The following PMVK variants were observed in gnomAD, a reference collection of about 807,000 sequenced individuals.
The protein encoded by PMVK is testis tissue sperm-binding protein Li 95mP.
A neutral mutation model predicts 19.0 loss-of-function variants in PMVK; 10 were observed. The ratio of observed to expected loss-of-function variants is 0.53; its 90% CI spans 0.32 to 0.89. The LOEUF (loss-of-function observed/expected upper bound fraction) is 0.89, where lower values mean the gene tolerates loss of function less well. PMVK is among the 40% of genes least tolerant of loss of function. The pLI, the probability that PMVK is intolerant of heterozygous loss-of-function variation, is 0.03. For synonymous variants in PMVK, 108 were observed against 101.6 expected (o/e 1.06, Z -0.38); for missense variants, 222 against 251.1 (o/e 0.88, Z 0.78).
chr1:154,936,925 A>G (rs1022418566), upstream of PMVK: 2 of 523,358 alleles, frequency 3.8e-6, no homozygotes, highest in African/African-American at 3.8e-5. Flanking sequence ...TTCACAGAGC[A>G]GCCTCCCCTC....
rs1654366021 is a variant in PMVK at position 154,932,403 on chromosome 1, A to G, written c.108T>C (p.Asp36=). 4 of 1,611,688 alleles carry G rather than the reference A, an allele frequency of 2.5e-6. No individual in the cohort carries two copies. The highest frequency in any genetic ancestry group is 1.7e-4 in the Middle Eastern group (1 of 6,060). Residue 36 remains aspartate, a synonymous_variant, in exon 2 of 5, where the codon GAT becomes GAC. Coordinates refer to ENST00000368467, the MANE Select transcript of PMVK (RefSeq NM_006556.4). The part of the protein sequence containing the change: ...TEALQSRLGA[D]VCAVLRLSGP... ...CAGAGAGCCGGAGGACAGCACAGAC[A>G]TCAGCTCCAAGTCTGCAGGACAGGG...
chr1:154,926,745 G>A lies in PMVK; in HGVS notation c.313-262C>T, dbSNP rs528517317. ...GTATTATAGTAAGTACCTACTGTAC[G>A]CTGGTCACTGTGCTAGGTGCTAAGG... On this transcript the variant is annotated intron_variant, in intron 3 of 4. Transcript: ENST00000368467. 1.1e-4 allele frequency among the ~76,000 whole-genome samples: 16 copies of A among 152,278 alleles called. No individual in the cohort carries two copies. In the South Asian group the frequency reaches 2.5e-3, roughly 24 times the overall value.
At chr1:154,942,094 C>T in the PMVK span, among the ~76,000 whole-genome samples, 1 of 152,230 alleles carries the variant, frequency 6.6e-6, no homozygotes, top group South Asian at 2.1e-4. Flanking sequence ...TCTAGTGATT[C>T]TTCCCAAGGA....
intron 1 of PMVK, among the ~76,000 whole-genome samples, chr1:154,932,796 C>T (rs1654377457): frequency 6.6e-6 from 1 of 152,218 alleles, no homozygotes; most frequent in African/African-American, 2.4e-5. Context: ...GTCACCATAA[C>T]ATATATCATT....
rs745596114 is a variant in PMVK, at chr1:154,929,037, G to T, written c.299C>A (p.Ser100Tyr). Residue 100 changes from serine (S) to tyrosine (Y), a missense_variant, in exon 3 of 5, where the codon TCC (serine) becomes TAC (tyrosine). Transcript: ENST00000368467. ...GAGCCCTCTTACCCAGATGGGCTGG[G>T]AGATGCCCTCCACAATCTTCCTGCA... ...FFCRKIVEGI[S>Y]QPIWLVSDTR... 1.2e-6 allele frequency: 2 copies of T among 1,614,098 alleles called. No individual in the cohort carries two copies. The highest frequency in any genetic ancestry group is 1.7e-6 in the Non-Finnish European group (2 of 1,179,974).
chr1:154,933,151 A>G (rs916588965), intron 1 of PMVK, among the ~76,000 whole-genome samples: 2 of 151,906 alleles, frequency 1.3e-5, no homozygotes, highest in Non-Finnish European at 2.9e-5. Flanking sequence ...AACTGAAACA[A>G]AAGCCAGGTG....
chr1:154,939,093 G>A (rs1003881154), upstream of PMVK, among the ~76,000 whole-genome samples: 2 of 152,020 alleles, frequency 1.3e-5, no homozygotes, highest in Non-Finnish European at 2.9e-5. Flanking sequence ...CATCATCCTC[G>A]GTGACATCAC....
In PMVK at chr1:154,925,095, C is replaced by T. The variant is rs1654101074; in HGVS notation, c.*34G>A. ...TGCAGAGTCAGCCCCACCCCCACCT[C>T]AGCAGGCCCCAGCTCACTCCTAGAA... On this transcript the variant is annotated 3_prime_UTR_variant, in exon 5 of 5. Transcript: ENST00000368467. The T allele has an allele frequency of 1.3e-6, 2 of 1,556,862 alleles. No homozygotes were observed. The highest frequency in any genetic ancestry group is 1.4e-5 in the African/African-American group (1 of 72,676).
upstream of PMVK, chr1:154,937,024 G>A (rs1654531894): frequency 4.5e-6 from 1 of 223,274 alleles, no homozygotes; most frequent in African/African-American, 2.2e-5. Context: ...CTGACACCCG[G>A]GGAGGAACCG....
chr1:154,930,230 C>A (rs1018075138), intron 2 of PMVK, among the ~76,000 whole-genome samples: 1 of 152,022 alleles, frequency 6.6e-6, no homozygotes, highest in African/African-American at 2.4e-5. Flanking sequence ...GAGGCCGAGG[C>A]GGGCAGATCA....
At chr1:154,930,546 A>C (rs1654304266) in intron 2 of PMVK, among the ~76,000 whole-genome samples, 1 of 77,016 alleles carries the variant, frequency 1.3e-5, no homozygotes, top group African/African-American at 5.2e-5. Flanking sequence ...CACCAGTCTC[A>C]CTCAGTAGGA....
chr1:154,933,271 T>C (rs886317721), intron 1 of PMVK, among the ~76,000 whole-genome samples: 2 of 151,462 alleles, frequency 1.3e-5, no homozygotes, highest in Middle Eastern at 3.2e-3. Flanking sequence ...CTGTCTCTAC[T>C]AAAAGCATAA....
upstream of PMVK, chr1:154,937,844 GTTTT>G (rs900509159): frequency 3.3e-5 from 5 of 151,850 alleles, no homozygotes; most frequent in South Asian, 1.0e-3. Flanking sequence ...GTTTTTTGGG[GTTTT>G]TTTTGTTTTT....
the PMVK span, among the ~76,000 whole-genome samples, chr1:154,942,106 C>T: frequency 1.3e-5 from 2 of 152,218 alleles, no homozygotes; most frequent in Non-Finnish European, 2.9e-5. Flanking sequence ...TCCCAAGGAC[C>T]CCTGAGCTCA....
At chr1:154,937,693 C>T (rs1201895875), upstream of PMVK, 1 of 152,132 alleles carries the variant, frequency 6.6e-6, no homozygotes, top group Admixed American at 6.5e-5. Context: ...CAGAACAGAG[C>T]CTGCAACTCA....
chr1:154,927,628 G>T (rs1300814727), intron 3 of PMVK, among the ~76,000 whole-genome samples: 1 of 151,674 alleles, frequency 6.6e-6, no homozygotes, highest in East Asian at 1.9e-4. Flanking sequence ...TAAAATCCCA[G>T]CTCTCCCAAA....
upstream of PMVK, chr1:154,936,877 G>A (rs1346203051): frequency 1.7e-6 from 1 of 587,994 alleles, no homozygotes; most frequent in East Asian, 2.8e-5. Context: ...CAGATATGGG[G>A]AGAAAAGGGT....
chr1:154,940,427 G>T (rs1419515683), upstream of PMVK, among the ~76,000 whole-genome samples: 2 of 152,188 alleles, frequency 1.3e-5, no homozygotes, highest in East Asian at 1.9e-4. Flanking sequence ...TGGGGGGAAT[G>T]GTGAGGATTA....
chr1:154,934,847 GA>G (rs1455427841), intron 1 of PMVK, among the ~76,000 whole-genome samples: 1 of 152,014 alleles, frequency 6.6e-6, no homozygotes, highest in Non-Finnish European at 1.5e-5. Flanking sequence ...CAGATCACCT[GA>G]GGTCAGGAGT....
Sources: allele counts gnomAD v4.1 joint callset (sites outside exome capture counted in the v4.1 genomes callset), GRCh38; gene constraint gnomAD v4.1.1; transcripts MANE v1.5; gene names NCBI Gene and HGNC (gene_info 2026-07-23, HGNC 2026-07-21).